Variants in DNMT1 observed in about 807,000 individuals in gnomAD.
DNMT1 encodes DNA (cytosine-5)-methyltransferase 1.
Under a neutral mutation model 205.3 loss-of-function variants are expected in DNMT1, and 24 were observed. That is an observed-to-expected ratio of 0.12 (90% CI 0.08 to 0.16). DNMT1 has a LOEUF of 0.16. Ranked by LOEUF, DNMT1 falls within the 10% of genes least tolerant of loss-of-function variation. DNMT1 has a pLI of 1.00. For synonymous variants in DNMT1, 817 were observed against 839.8 expected, an observed-to-expected ratio of 0.97 and a Z score of 0.47; for missense variants, 1,293 against 2,177.7, an observed-to-expected ratio of 0.59 and a Z score of 8.09.
intron 12 of DNMT1, 126 bp from the exon 13 acceptor site, chr19:10,162,874 G>A: frequency 1.0e-6 from 1 of 1,000,266 alleles, no homozygotes; most frequent in Non-Finnish European, 1.5e-6. Flanking sequence ...GAGCTCTATA[G>A]GCACACTGCC....
Position 10,154,490 on chromosome 19 carries a change from G to C in DNMT1, c.1833-11C>G. ...CTCGCCTGGGCTCGCCTACGGGAGA[G>C]GTTCCAGCATCTCAGAGGACTGGGA... On this transcript the variant is annotated splice_polypyrimidine_tract_variant and intron_variant, in intron 21 of 40. Coordinates refer to ENST00000359526, the MANE Select transcript of DNMT1 (RefSeq NM_001130823.3). The surrounding 1 kb of genome is among the most constrained non-coding windows in gnomAD (Gnocchi z 6.3). The C allele has an allele frequency of 6.2e-7, 1 of 1,614,200 alleles. No homozygotes were observed. The highest frequency in any genetic ancestry group is 1.1e-5 in the South Asian group (1 of 91,088).
rs575248508 is a variant in DNMT1, at chr19:10,146,181, G to C, written c.2894+170C>G. Among the ~76,000 whole-genome samples the C allele has an allele frequency of 9.2e-5, 14 of 152,170 alleles. No individual in the cohort carries two copies. In the South Asian group the frequency reaches 2.9e-3, roughly 32 times the overall value. On this transcript the variant is annotated intron_variant, in intron 28 of 40. Coordinates refer to ENST00000359526, the MANE Select transcript of DNMT1 (RefSeq NM_001130823.3). The surrounding 1 kb of genome is among the most constrained non-coding windows in gnomAD (Gnocchi z 4.4). Reference sequence around the variant, plus strand: ...CAGCTTTGCTCTGCAATAGCATCATGGTCAGTCTACACGATTTATGTTGTC... The same window carrying C: ...CAGCTTTGCTCTGCAATAGCATCATCGTCAGTCTACACGATTTATGTTGTC...
At chr19:10,186,704 G>A in intron 1 of DNMT1, among the ~76,000 whole-genome samples, 1 of 151,872 alleles carries the variant, frequency 6.6e-6, no homozygotes, top group East Asian at 1.9e-4. Context: ...CAGGCATGGT[G>A]GCACATGCCT....
Position 10,151,845 on chromosome 19 carries a change from C to T in DNMT1, c.2022G>A (p.Val674=), listed in dbSNP as rs2038348946. ...FKRRRCGVCE[V]CQQPECGKCK... ...ATTTCCCACACTCAGGCTGCTGACA[C>T]ACCTAAAAAATGGCATTAAAAAGGC... Residue 674 remains valine, a splice_region_variant and synonymous_variant, in exon 23 of 41, where the codon GTG becomes GTA. Transcript: ENST00000359526. This position sits in a 1 kb window ranked among gnomAD's most constrained non-coding sequence, Gnocchi z 5.0. 1 of 1,613,992 alleles carries T rather than the reference C, an allele frequency of 6.2e-7. No homozygotes were observed.
intron 28 of DNMT1, chr19:10,144,226 G>A (rs569980956): frequency 6.0e-4 from 302 of 502,634 alleles, no homozygotes; most frequent in African/African-American, 3.2e-3. Flanking sequence ...TGGCCAACAC[G>A]GTAAAACCCT....
intron 6 of DNMT1, among the ~76,000 whole-genome samples, chr19:10,176,710 T>C (rs543361396): frequency 9.1e-4 from 138 of 152,052 alleles, no homozygotes; most frequent in African/African-American, 2.2e-3. Context: ...ATACAAAAAT[T>C]AGCCAGGCGT....
intron 27 of DNMT1, 139 bp downstream of exon 27, chr19:10,148,745 A>T: frequency 7.0e-7 from 1 of 1,437,276 alleles, no homozygotes; most frequent in Non-Finnish European, 9.7e-7. Context: ...CATCATTCAT[A>T]GTCAGGCTGG....
chr19:10,165,671 T>C (rs2038675378), intron 11 of DNMT1, among the ~76,000 whole-genome samples: 3 of 152,106 alleles, frequency 2.0e-5, no homozygotes, highest in Non-Finnish European at 4.4e-5. Context: ...GGGATTACAG[T>C]AGTGAGCCAC....
At position 10,175,552 on chromosome 19, in the gene DNMT1, T is replaced by G; in HGVS notation, c.636A>C (p.Glu212Asp). 1 of 1,614,120 alleles carries G rather than the reference T, an allele frequency of 6.2e-7. No individual in the cohort carries two copies. Among genetic ancestry groups the G allele is most frequent in the Non-Finnish European group, 8.5e-7 (1 of 1,180,000 alleles). ...RAKSDESIKE[E>D]DKDQDEKRRR... ...GCACTGGCCCTACCTGGTCTTTGTC[T>G]TCTTCCTTGATGGACTCATCCGATT... The change falls in exon 7 of 41, where the codon GAA becomes GAC. Residue 212 changes from glutamate (E) to aspartate (D), a missense_variant. Coordinates refer to ENST00000359526, the MANE Select transcript of DNMT1 (RefSeq NM_001130823.3).
chr19:10,190,793 AAT>A (rs1263533752), intron 1 of DNMT1, among the ~76,000 whole-genome samples: 30 of 148,158 alleles, frequency 2.0e-4, no homozygotes, highest in South Asian at 1.1e-3. Flanking sequence ...AATAAAATAA[AAT>A]AAAATAAAAT....
At chr19:10,166,753 C>T in intron 10 of DNMT1, 68 bp from the exon 11 acceptor site, 1 of 1,542,052 alleles carries the variant, frequency 6.5e-7, no homozygotes, top group East Asian at 2.3e-5. Flanking sequence ...GGGCCAACAG[C>T]TCCTAAGGGC....
At chr19:10,164,183 C>T (rs1368380319) in intron 11 of DNMT1, among the ~76,000 whole-genome samples, 1 of 152,140 alleles carries the variant, frequency 6.6e-6, no homozygotes, top group African/African-American at 2.4e-5. Context: ...TTGATTCACT[C>T]TTGTTGCCCA....
intron 13 of DNMT1, among the ~76,000 whole-genome samples, chr19:10,160,887 T>A (rs1352548601): frequency 6.6e-6 from 1 of 152,024 alleles, no homozygotes; most frequent in Non-Finnish European, 1.5e-5. Flanking sequence ...TGAGACTCCA[T>A]CTCAAAATAA....
chr19:10,137,931 C>T lies in DNMT1; in HGVS notation c.4194G>A (p.Ser1398=), dbSNP rs1428169433. 2.4e-5 allele frequency: 38 copies of T among 1,612,474 alleles called. No individual in the cohort carries two copies. Among genetic ancestry groups the T allele is most frequent in the Admixed American group, 3.3e-5 (2 of 59,852 alleles). ...CCCCGTTGTAGGAGATCTCCAGTGC[C>T]GAGGCTCCATTCCGCACCTCCGGCA... is the stretch of plus-strand genomic sequence containing the variant. The part of the protein sequence containing the change: ...SDLPEVRNGA[S]ALEISYNGEP... The change falls in exon 36 of 41, where the codon TCG becomes TCA. Residue 1398 remains serine, a synonymous_variant. Coordinates refer to ENST00000359526, the MANE Select transcript of DNMT1 (RefSeq NM_001130823.3). The surrounding 1 kb of genome is among the most constrained non-coding windows in gnomAD (Gnocchi z 6.4).
chr19:10,161,929 C>A (rs1461739397), intron 13 of DNMT1, among the ~76,000 whole-genome samples: 1 of 151,290 alleles, frequency 6.6e-6, no homozygotes, highest in African/African-American at 2.4e-5. Flanking sequence ...GCAACCTCTA[C>A]CTCCTGGGTT....
At position 10,139,736 on chromosome 19, in the gene DNMT1, C is replaced by T. The variant is rs1337466877; in HGVS notation, c.3888G>A (p.Leu1296=). ...NFVSFKRSMV[L]KLTLRCLVRM... ...GGACCAGGCAGCGGAGGGTGAGCTT[C>T]AGGACCATGGAGCGCTTGAAGGAGA... Residue 1296 remains leucine (L), a synonymous_variant, in exon 34 of 41, where the codon CTG becomes CTA. Transcript: ENST00000359526. 1.2e-6 allele frequency: 2 copies of T among 1,613,386 alleles called. No individual in the cohort carries two copies. Among genetic ancestry groups the T allele is most frequent in the African/African-American group, 2.7e-5 (2 of 75,074 alleles).
At chr19:10,172,603 C>T (rs1193392675) in intron 9 of DNMT1, among the ~76,000 whole-genome samples, 1 of 151,902 alleles carries the variant, frequency 6.6e-6, no homozygotes. Context: ...GCAGGTGGAT[C>T]ACTCGAGGTC....
At chr19:10,171,950 T>C (rs1471989781) in intron 9 of DNMT1, among the ~76,000 whole-genome samples, 1 of 150,948 alleles carries the variant, frequency 6.6e-6, no homozygotes, top group Admixed American at 6.6e-5. Flanking sequence ...GAGGTTGCAA[T>C]GAGCCAAGAT....
chr19:10,153,204 A>G (rs2038386038), intron 22 of DNMT1, among the ~76,000 whole-genome samples: 1 of 152,204 alleles, frequency 6.6e-6, no homozygotes, highest in South Asian at 2.1e-4. Context: ...ATGCTGCCAC[A>G]TATTTACAAT....
Sources: allele counts gnomAD v4.1 joint callset (sites outside exome capture counted in the v4.1 genomes callset), GRCh38; gene constraint gnomAD v4.1.1; non-coding constraint Gnocchi (gnomAD v3.1); transcripts MANE v1.5; gene names NCBI Gene and HGNC (gene_info 2026-07-23, HGNC 2026-07-21).